Variants in CCNQ observed in about 807,000 individuals in gnomAD.
The protein encoded by CCNQ is cyclin Q.
In CCNQ, 3 loss-of-function variants were observed where a neutral mutation model predicts 17.7. The observed-to-expected ratio is 0.17, with a 90% CI of 0.08 to 0.44. The LOEUF is 0.44. Among genes scored for constraint, CCNQ ranks in the 20% least tolerant of loss-of-function variants. The pLI is 0.99. For missense variants in CCNQ, 146 were observed against 222.6 expected (o/e 0.66, Z 2.19); for synonymous variants, 73 against 96.0 (o/e 0.76, Z 1.40).
chrX:153,591,949 C>G (rs1268855737), intron 4 of CCNQ, among the ~76,000 whole-genome samples: 2 of 110,044 alleles, frequency 1.8e-5, no homozygotes, highest in African/African-American at 6.6e-5. Flanking sequence ...GGCAGGGCTA[C>G]CTCTATGCAG....
chrX:153,592,405 A>G, intron 4 of CCNQ, 101 bp downstream of exon 4: 1 of 857,601 alleles, frequency 1.2e-6, no homozygotes, highest in East Asian at 3.4e-5. Context: ...AGCAGCCCGT[A>G]TCTTTCTTCA....
chrX:153,598,906 G>A lies in CCNQ; in HGVS notation c.112+56C>T, dbSNP rs1413222029. 359 of 926,433 alleles carry A rather than the reference G, an allele frequency of 3.9e-4. 2 individuals carry two copies. The highest frequency in any genetic ancestry group is 4.7e-4 in the Non-Finnish European group (330 of 708,031). The allele number at this position is 926,433 out of a possible 1,213,427, so 76.3% of individuals were successfully genotyped here. A position where few individuals can be genotyped will look rare whatever the true frequency, so the allele number is the denominator to read the frequency against. ...AAGGCCGGCCTGGCCAGCCGGGCCC[G>A]CTCCGCGAAGCGGGCCGCGGCGCCG... is the stretch of plus-strand genomic sequence containing the variant. On this transcript the variant is annotated intron_variant, in intron 1 of 4. Transcript: ENST00000576892.
intron 1 of CCNQ, among the ~76,000 whole-genome samples, 173 bp downstream of exon 1, chrX:153,598,789 G>A (rs973829921): frequency 1.4e-4 from 16 of 113,175 alleles, no homozygotes; most frequent in African/African-American, 5.1e-4. Context: ...ATACCTCGCG[G>A]CTCACTGCTC....
At chrX:153,593,199 C>A (rs1365711491) in intron 3 of CCNQ, among the ~76,000 whole-genome samples, 4 of 112,881 alleles carry the variant, frequency 3.5e-5, no homozygotes, top group Non-Finnish European at 7.5e-5. Flanking sequence ...GACCTCCCAG[C>A]CCAGCTGCCA....
intron 3 of CCNQ, among the ~76,000 whole-genome samples, chrX:153,593,661 G>A (rs1557026292): frequency 8.9e-6 from 1 of 112,413 alleles, no homozygotes; most frequent in Non-Finnish European, 1.9e-5. Flanking sequence ...GGGCCCATGC[G>A]GGTGGAACCG....
rs3817718 is a variant in CCNQ, at chrX:153,594,999, T to C, written c.297-320A>G. ...TCCAGAGGAACCGGAAGCTTGAGCATGCCAAGTCGGTTGTGCTTCCTGTTA... is the reference window on the plus strand; with the variant it reads ...TCCAGAGGAACCGGAAGCTTGAGCACGCCAAGTCGGTTGTGCTTCCTGTTA... On this transcript the variant is annotated intron_variant, in intron 2 of 4. Coordinates refer to ENST00000576892, the MANE Select transcript of CCNQ (RefSeq NM_152274.5). Among the ~76,000 whole-genome samples the C allele has an allele frequency of 0.098, 11,057 of 112,683 alleles. 471 individuals are homozygous for C. Among genetic ancestry groups the C allele is most frequent in the South Asian group, 0.17 (473 of 2,757 alleles).
intron 3 of CCNQ, among the ~76,000 whole-genome samples, chrX:153,593,147 G>A (rs1557026180): frequency 8.9e-6 from 1 of 112,757 alleles, no homozygotes; most frequent in East Asian, 2.8e-4. Flanking sequence ...CATCTGGCCT[G>A]CTGCCAAGGG....
chrX:153,588,435 G>A lies in CCNQ; in HGVS notation c.677C>T (p.Thr226Ile). The change falls in exon 5 of 5, where the codon ACC becomes ATC. Residue 226 changes from threonine to isoleucine, a missense_variant. Transcript: ENST00000576892. ...CACAATATTATCAATGATTGGCTTGGTAAGGTCGTCATTAAACACCTAGAA... is the reference window on the plus strand; with the variant it reads ...CACAATATTATCAATGATTGGCTTGATAAGGTCGTCATTAAACACCTAGAA... ...PWWQVFNDDL[T>I]KPIIDNIVSD... 3.3e-6 allele frequency: 4 copies of A among 1,208,285 alleles called. No individual in the cohort carries two copies. The highest frequency in any genetic ancestry group is 3.4e-6 in the Non-Finnish European group (3 of 892,079).
intron 4 of CCNQ, among the ~76,000 whole-genome samples, chrX:153,591,923 C>T (rs781806832): frequency 9.1e-6 from 1 of 109,317 alleles, no homozygotes; most frequent in Non-Finnish European, 1.9e-5. Flanking sequence ...ACAAGGCACA[C>T]GGGCCAGGGA....
chrX:153,591,070 T>G (rs1183620490), intron 4 of CCNQ, among the ~76,000 whole-genome samples: 3 of 111,729 alleles, frequency 2.7e-5, no homozygotes, highest in Non-Finnish European at 5.7e-5. Flanking sequence ...GGAGTCACCG[T>G]AAGAAGTGGC....
At chrX:153,598,403 G>A (rs961194088) in intron 1 of CCNQ, among the ~76,000 whole-genome samples, 1 of 107,518 alleles carries the variant, frequency 9.3e-6, no homozygotes, top group Non-Finnish European at 1.9e-5. Context: ...CCAACAGAGC[G>A]AGACTCCGTC....
chrX:153,595,101 G>A (rs895270566), intron 2 of CCNQ, among the ~76,000 whole-genome samples: 1 of 112,768 alleles, frequency 8.9e-6, no homozygotes, highest in Non-Finnish European at 1.9e-5. Flanking sequence ...CCCAAGGAAC[G>A]TATTTTTTTA....
At chrX:153,588,514 T>C (rs1441869376) in intron 4 of CCNQ, 60 bp from the exon 5 acceptor site, 19 of 867,992 alleles carry the variant, frequency 2.2e-5, no homozygotes, top group Non-Finnish European at 2.9e-5. Flanking sequence ...ACAAGGCACC[T>C]GTCACTAAGC....
chrX:153,591,240 T>C (rs1248897024), intron 4 of CCNQ, among the ~76,000 whole-genome samples: 2 of 112,034 alleles, frequency 1.8e-5, no homozygotes, highest in Non-Finnish European at 3.8e-5. Context: ...AAGCTTCTGG[T>C]GCACAGCCCC....
chrX:153,589,104 G>A (rs2090973568), intron 4 of CCNQ, among the ~76,000 whole-genome samples: 1 of 112,834 alleles, frequency 8.9e-6, no homozygotes, highest in Non-Finnish European at 1.9e-5. Context: ...TGCCCCGTGT[G>A]AGCGTCTTGG....
In CCNQ at chrX:153,592,731, G is replaced by A. The variant is rs1603157550; in HGVS notation, c.432C>T (p.Tyr144=). 8.3e-7 allele frequency: 1 copy of A among 1,206,189 alleles called. No individual in the cohort carries two copies. The stretch of plus-strand genomic sequence containing the variant: ...GGAGGGAAACCAGGTAGTGGAGCAG[G>A]TACTGCAAAGACACGTGTGTCAGCC... The part of the protein sequence containing the change: ...FQVSFQHPHK[Y]LLHYLVSLQN... Residue 144 remains tyrosine, a splice_region_variant and synonymous_variant, in exon 4 of 5, where the codon TAC becomes TAT. Transcript: ENST00000576892.
At position 153,593,338 on chromosome X, in the gene CCNQ, G is replaced by A. The variant is rs7057365; in HGVS notation, c.430-605C>T. ...CACACCATGCAGGAGGGATACATAG[G>A]TTACTTTCCACCCCAGCCCTGACTG... is the stretch of plus-strand genomic sequence containing the variant. On this transcript the variant is annotated intron_variant, in intron 3 of 4. Coordinates refer to ENST00000576892, the MANE Select transcript of CCNQ (RefSeq NM_152274.5). 6.7e-3 allele frequency among the ~76,000 whole-genome samples: 755 copies of A among 112,397 alleles called. 4 individuals are homozygous for A. Among genetic ancestry groups the A allele is most frequent in the African/African-American group, 0.024 (730 of 30,944 alleles).
intron 2 of CCNQ, among the ~76,000 whole-genome samples, 162 bp downstream of exon 2, chrX:153,595,842 C>CAGA (rs2091023870): frequency 8.9e-6 from 1 of 112,588 alleles, no homozygotes; most frequent in Non-Finnish European, 1.9e-5. Context: ...GGCTCCTTCT[C>CAGA]ACGTTTGCTG....
At chrX:153,595,509 T>G (rs1255562409) in intron 2 of CCNQ, among the ~76,000 whole-genome samples, 1 of 113,592 alleles carries the variant, frequency 8.8e-6, no homozygotes, top group African/African-American at 3.2e-5. Flanking sequence ...CGTCTTTCCC[T>G]CGCCTTGGCG....
Sources: allele counts gnomAD v4.1 joint callset (sites outside exome capture counted in the v4.1 genomes callset), GRCh38; gene constraint gnomAD v4.1.1; transcripts MANE v1.5; gene names NCBI Gene and HGNC (gene_info 2026-07-23, HGNC 2026-07-21).